The following SASH1 variants were observed in gnomAD, a reference collection of about 807,000 sequenced individuals.
The protein encoded by SASH1 is SAM and SH3 domain containing 1, also known as SAM and SH3 domain-containing protein 1.
Under a neutral mutation model 125.2 loss-of-function variants are expected in SASH1, and 44 were observed. The ratio of observed to expected loss-of-function variants is 0.35; its 90% CI spans 0.28 to 0.45. SASH1 has a LOEUF of 0.45. SASH1 is among the 20% of genes least tolerant of loss of function. The pLI is 1.00. For synonymous variants in SASH1, 639 were observed against 649.1 expected, an observed-to-expected ratio of 0.98 and a Z score of 0.24; for missense variants, 1,426 against 1,614.5, an observed-to-expected ratio of 0.88 and a Z score of 2.00.
the SASH1 span, among the ~76,000 whole-genome samples, chr6:148,223,442 A>C: frequency 1.3e-5 from 2 of 152,332 alleles, no homozygotes. Context: ...TGTCACTCAT[A>C]AGCGAGACTG....
At chr6:148,409,497 C>T (rs1784527464) in intron 2 of SASH1, among the ~76,000 whole-genome samples, 1 of 152,210 alleles carries the variant, frequency 6.6e-6, no homozygotes, top group Non-Finnish European at 1.5e-5. Context: ...AGTACCACCT[C>T]AGGGCTATGT....
the SASH1 span, among the ~76,000 whole-genome samples, chr6:148,224,422 G>A: frequency 1.3e-5 from 2 of 151,928 alleles, no homozygotes; most frequent in East Asian, 3.9e-4. Flanking sequence ...GTGCAGTGGT[G>A]CGATCTTGGC....
chr6:148,203,941 T>C, the SASH1 span, among the ~76,000 whole-genome samples: 3 of 152,198 alleles, frequency 2.0e-5, no homozygotes, highest in South Asian at 2.1e-4. Flanking sequence ...CTTGGGAACA[T>C]GCATGTGTTT....
intron 2 of SASH1, among the ~76,000 whole-genome samples, chr6:148,409,974 ACCC>A (rs1429235720): frequency 1.3e-5 from 2 of 151,518 alleles, no homozygotes; most frequent in African/African-American, 4.9e-5. Context: ...AATAACTTTC[ACCC>A]CAGACTATAA....
chr6:148,387,769 T>C (rs1783532922), intron 1 of SASH1, among the ~76,000 whole-genome samples: 1 of 150,864 alleles, frequency 6.6e-6, no homozygotes, highest in Non-Finnish European at 1.5e-5. Context: ...AGTTTCACTC[T>C]GCTGCCCTGG....
At chr6:148,290,775 C>A (rs1343742648) in intron 1 of SASH1, among the ~76,000 whole-genome samples, 4 of 148,926 alleles carry the variant, frequency 2.7e-5, no homozygotes, top group South Asian at 2.2e-4. Flanking sequence ...AACCAGAGAC[C>A]TTTGTTCATG....
At chr6:148,385,884 A>G (rs1232628883) in intron 1 of SASH1, among the ~76,000 whole-genome samples, 1 of 152,180 alleles carries the variant, frequency 6.6e-6, no homozygotes, top group Non-Finnish European at 1.5e-5. Context: ...ATAAGTCAGT[A>G]AATGTAAGTA....
chr6:148,397,078 T>C (rs1322759036), intron 2 of SASH1, among the ~76,000 whole-genome samples: 1 of 152,186 alleles, frequency 6.6e-6, no homozygotes, highest in Non-Finnish European at 1.5e-5. Flanking sequence ...ATAAAGATCA[T>C]AATACCGTGA....
chr6:148,287,529 G>C, intron 1 of SASH1, among the ~76,000 whole-genome samples: 1 of 152,224 alleles, frequency 6.6e-6, no homozygotes, highest in East Asian at 1.9e-4. Flanking sequence ...CTCTGGAGCT[G>C]TTGCCTCAAT....
intron 16 of SASH1, among the ~76,000 whole-genome samples, chr6:148,536,181 G>T (rs955635868): frequency 6.6e-6 from 1 of 152,156 alleles, no homozygotes; most frequent in African/African-American, 2.4e-5. Flanking sequence ...GCCAGGTTGC[G>T]TGTAAAGAGC....
At chr6:148,478,096 A>G (rs1583223829) in intron 7 of SASH1, among the ~76,000 whole-genome samples, 1 of 152,240 alleles carries the variant, frequency 6.6e-6, no homozygotes, top group Non-Finnish European at 1.5e-5. Flanking sequence ...GTAAATTATT[A>G]CAGCCACTAT....
chr6:148,522,556 C>A lies in SASH1; in HGVS notation c.1209+2663C>A, dbSNP rs189565556. The stretch of plus-strand genomic sequence containing the variant: ...ATCCACTGGAAGTGGTCACTTGTCT[C>A]GTATTTTATTTGGTCATTCAATTTT... On this transcript the variant is annotated intron_variant, in intron 10 of 19. Coordinates refer to ENST00000367467, the MANE Select transcript of SASH1 (RefSeq NM_015278.5). Among the ~76,000 whole-genome samples the A allele has an allele frequency of 2.0e-5, 3 of 152,262 alleles. 1 individual carries two copies. The South Asian group carries it at 6.2e-4, about 32-fold the overall frequency.
chr6:148,397,619 A>G (rs1468024888), intron 2 of SASH1, among the ~76,000 whole-genome samples: 1 of 152,176 alleles, frequency 6.6e-6, no homozygotes, highest in Admixed American at 6.6e-5. Context: ...GCACCTGCAA[A>G]GTTGCTTCCT....
At chr6:148,507,091 T>C (rs1268218939) in intron 8 of SASH1, among the ~76,000 whole-genome samples, 7 of 151,922 alleles carry the variant, frequency 4.6e-5, no homozygotes, top group African/African-American at 1.7e-4. Flanking sequence ...AATTGGGCAG[T>C]GTAGGGAAGG....
chr6:148,533,653 C>A lies in SASH1; in HGVS notation c.1735-118C>A. The A allele has an allele frequency of 2.1e-6, 2 of 950,666 alleles. No individual in the cohort carries two copies. The highest frequency in any genetic ancestry group is 3.2e-6 in the Non-Finnish European group (2 of 620,986). 58.9% of individuals were successfully genotyped at this position (950,666 alleles called of 1,614,324 possible). A position where few individuals can be genotyped will look rare whatever the true frequency, so the allele number is the denominator to read the frequency against. On this transcript the variant is annotated intron_variant, in intron 14 of 19. Coordinates refer to ENST00000367467, the MANE Select transcript of SASH1 (RefSeq NM_015278.5). This position sits in a 1 kb window ranked among gnomAD's most constrained non-coding sequence, Gnocchi z 6.2. ...CACTCAGAGGGGTGACTTGTGGGAC[C>A]CCGATTCTGGCCTTTGTGGCATCTT...
upstream of SASH1, among the ~76,000 whole-genome samples, chr6:148,340,311 C>T (rs1260519599): frequency 2.6e-5 from 4 of 151,866 alleles, no homozygotes; most frequent in African/African-American, 9.7e-5. Context: ...GGTGAAACCC[C>T]GTCTCTACTA....
intron 8 of SASH1, among the ~76,000 whole-genome samples, chr6:148,493,732 TAGTTACCA>T (rs879443573): frequency 0.021 from 3,232 of 152,260 alleles, 119 homozygotes; most frequent in African/African-American, 0.074. Context: ...GTACTAAAGA[TAGTTACCA>T]GGGGAAGTGA....
At chr6:148,516,643 G>A (rs916237320) in intron 9 of SASH1, among the ~76,000 whole-genome samples, 5 of 151,924 alleles carry the variant, frequency 3.3e-5, no homozygotes, top group Non-Finnish European at 5.9e-5. Context: ...TAACACTTTA[G>A]ATTTTATATT....
the SASH1 span, among the ~76,000 whole-genome samples, chr6:148,260,153 T>C: frequency 6.6e-6 from 1 of 152,188 alleles, no homozygotes; most frequent in Non-Finnish European, 1.5e-5. Flanking sequence ...GAATATAATA[T>C]GCATATATAT....
Sources: gnomAD v4.1 joint callset for allele counts (sites outside exome capture counted in the v4.1 genomes callset) on GRCh38, gnomAD v4.1.1 for gene constraint, Gnocchi (gnomAD v3.1) non-coding constraint, MANE v1.5 for transcripts, NCBI Gene and HGNC (gene_info 2026-07-23, HGNC 2026-07-21) for gene names.